Variants in FAM13A observed in about 807,000 individuals in gnomAD.
The protein encoded by FAM13A is family with sequence similarity 13 member A.
A neutral mutation model predicts 129.6 loss-of-function variants in FAM13A; 76 were observed. That is an observed-to-expected ratio of 0.59 (90% CI 0.49 to 0.71). FAM13A has a LOEUF of 0.71. Among genes scored for constraint, FAM13A ranks in the 30% least tolerant of loss-of-function variants. The probability of loss-of-function intolerance (pLI) is 0.00; values close to 1 mark genes in which losing one functional copy is unlikely to be tolerated. For missense variants in FAM13A, 1,108 were observed against 1,249.3 expected (o/e 0.89, Z 1.70); for synonymous variants, 443 against 449.9 (o/e 0.98, Z 0.20).
At chr4:88,751,751 A>T (rs1232466184) in intron 14 of FAM13A, among the ~76,000 whole-genome samples, 1 of 152,312 alleles carries the variant, frequency 6.6e-6, no homozygotes, top group East Asian at 1.9e-4. Context: ...TATCTAAAAG[A>T]TTTAAAAAAT....
At chr4:89,026,814 C>T (rs1053071546) in intron 2 of FAM13A, among the ~76,000 whole-genome samples, 2 of 152,190 alleles carry the variant, frequency 1.3e-5, no homozygotes, top group Admixed American at 6.5e-5. Context: ...AAAGCCTAAC[C>T]ATATCAGTCA....
intron 10 of FAM13A, among the ~76,000 whole-genome samples, chr4:88,786,370 T>C (rs1723968513): frequency 6.6e-6 from 1 of 152,146 alleles, no homozygotes; most frequent in Non-Finnish European, 1.5e-5. Context: ...CAGCAAAAAA[T>C]GAGGCAGAGG....
At chr4:88,997,227 T>C (rs1763666043) in intron 3 of FAM13A, among the ~76,000 whole-genome samples, 1 of 152,180 alleles carries the variant, frequency 6.6e-6, no homozygotes, top group South Asian at 2.1e-4. Context: ...AATTCGTAAG[T>C]CCAAAAATTC....
chr4:88,920,593 G>T (rs965365094), intron 5 of FAM13A, among the ~76,000 whole-genome samples: 1 of 152,108 alleles, frequency 6.6e-6, no homozygotes, highest in East Asian at 1.9e-4. Flanking sequence ...AAACCACAAA[G>T]ATGGGGAAAA....
intron 11 of FAM13A, among the ~76,000 whole-genome samples, chr4:88,775,003 T>C (rs1721395552): frequency 6.6e-6 from 1 of 152,142 alleles, no homozygotes; most frequent in Non-Finnish European, 1.5e-5. Flanking sequence ...AAGTCATTTG[T>C]AGAGGGGTGA....
chr4:88,735,475 A>G (rs186612885), intron 21 of FAM13A, among the ~76,000 whole-genome samples: 42 of 152,294 alleles, frequency 2.8e-4, no homozygotes, highest in African/African-American at 9.6e-4. Context: ...CTGCCAGAGA[A>G]GTTTTAGAGG....
At chr4:88,775,261 A>G (rs1324400830) in intron 11 of FAM13A, among the ~76,000 whole-genome samples, 1 of 152,186 alleles carries the variant, frequency 6.6e-6, no homozygotes, top group Non-Finnish European at 1.5e-5. Flanking sequence ...TGAGGAGGCC[A>G]AGAACTAGAT....
At chr4:88,833,578 T>C (rs1734282713) in intron 7 of FAM13A, among the ~76,000 whole-genome samples, 1 of 152,148 alleles carries the variant, frequency 6.6e-6, no homozygotes, top group Non-Finnish European at 1.5e-5. Context: ...AAACAAAATA[T>C]TTAAAAATTC....
chr4:89,031,642 T>C (rs1768697061), intron 1 of FAM13A, among the ~76,000 whole-genome samples: 1 of 152,244 alleles, frequency 6.6e-6, no homozygotes, highest in South Asian at 2.1e-4. Context: ...ATTATTATTC[T>C]GATTTCTTCT....
intron 23 of FAM13A, chr4:88,729,611 A>C (rs1286140818): frequency 1.3e-5 from 2 of 152,224 alleles, no homozygotes; most frequent in African/African-American, 2.4e-5. Context: ...GAATTGGAGC[A>C]TCTGGCACGC....
At chr4:88,945,003 A>G (rs1755434819) in intron 4 of FAM13A, among the ~76,000 whole-genome samples, 1 of 152,164 alleles carries the variant, frequency 6.6e-6, no homozygotes, top group Admixed American at 6.6e-5. Context: ...CACTTATGTA[A>G]ATACCTCAGG....
intron 7 of FAM13A, among the ~76,000 whole-genome samples, chr4:88,820,579 T>C (rs1422416777): frequency 6.6e-6 from 1 of 152,226 alleles, no homozygotes; most frequent in Non-Finnish European, 1.5e-5. Flanking sequence ...TTTGGAGATG[T>C]TGAGTAGTAT....
At chr4:88,983,125 C>T (rs1190987163) in intron 4 of FAM13A, among the ~76,000 whole-genome samples, 1 of 152,082 alleles carries the variant, frequency 6.6e-6, no homozygotes, top group Non-Finnish European at 1.5e-5. Flanking sequence ...TCCTCTGTTC[C>T]TTATAGGTAT....
intron 1 of FAM13A, among the ~76,000 whole-genome samples, chr4:89,044,500 A>G (rs1225706190): frequency 6.6e-6 from 1 of 152,218 alleles, no homozygotes; most frequent in Non-Finnish European, 1.5e-5. Context: ...TAGAACAGCC[A>G]AAGTGGGAAA....
intron 7 of FAM13A, among the ~76,000 whole-genome samples, chr4:88,827,300 C>A (rs1733167832): frequency 6.6e-6 from 1 of 152,134 alleles, no homozygotes; most frequent in Non-Finnish European, 1.5e-5. Context: ...CCTCGTTTAG[C>A]CCTGCCTCCA....
In FAM13A at chr4:88,958,260, A is replaced by G. The variant is rs116461886; in HGVS notation, c.606-20019T>C. On this transcript the variant is annotated intron_variant, in intron 4 of 23. Coordinates refer to ENST00000264344, the MANE Select transcript of FAM13A (RefSeq NM_014883.4). ...AGGCCCAGAGGCCTAGGAAAAAAGAATGGTTTCCTGGGCCATGTCCAGGGC... is the reference window on the plus strand; with the variant it reads ...AGGCCCAGAGGCCTAGGAAAAAAGAGTGGTTTCCTGGGCCATGTCCAGGGC... Among the ~76,000 whole-genome samples, 431 of 152,296 alleles carry G rather than the reference A, an allele frequency of 2.8e-3. 6 individuals carry two copies. The highest frequency in any genetic ancestry group is 9.8e-3 in the African/African-American group (406 of 41,566).
At chr4:88,919,268 T>C (rs950114710) in intron 5 of FAM13A, among the ~76,000 whole-genome samples, 1 of 152,226 alleles carries the variant, frequency 6.6e-6, no homozygotes. Flanking sequence ...AGGGTTGCCA[T>C]GTACAGCAGT....
chr4:88,952,162 G>A (rs1757050545), intron 4 of FAM13A, among the ~76,000 whole-genome samples: 2 of 151,754 alleles, frequency 1.3e-5, no homozygotes, highest in African/African-American at 2.4e-5. Flanking sequence ...GGAAGTTATA[G>A]GCCAAACCAG....
chr4:89,020,280 C>CCTTT (rs1560827786), intron 3 of FAM13A, among the ~76,000 whole-genome samples, 180 bp downstream of exon 3: 1 of 124,736 alleles, frequency 8.0e-6, no homozygotes. Context: ...TTTTTCTGCC[C>CCTTT]TTTTTTTTTT....
Sources: allele counts gnomAD v4.1 joint callset (sites outside exome capture counted in the v4.1 genomes callset), GRCh38; gene constraint gnomAD v4.1.1; transcripts MANE v1.5; gene names NCBI Gene and HGNC (gene_info 2026-07-23, HGNC 2026-07-21).